LRCH1: variants seen among roughly 807,000 people sequenced by gnomAD.
The protein encoded by LRCH1 is leucine-rich repeat and calponin homology domain-containing protein 1.
A neutral mutation model predicts 94.9 loss-of-function variants in LRCH1; 23 were observed. That is an observed-to-expected ratio of 0.24 (90% CI 0.17 to 0.34). The LOEUF (loss-of-function observed/expected upper bound fraction) is 0.34. Among genes scored for constraint, LRCH1 ranks in the 10% least tolerant of loss-of-function variants. LRCH1 has a pLI of 1.00. For missense variants in LRCH1, 790 were observed against 945.9 expected (o/e 0.84, Z 2.16); for synonymous variants, 364 against 354.9 (o/e 1.03, Z -0.29).
At chr13:46,691,714 G>A (rs904284246) in intron 7 of LRCH1, among the ~76,000 whole-genome samples, 48 of 152,106 alleles carry the variant, frequency 3.2e-4, no homozygotes, top group African/African-American at 1.1e-3. Context: ...TTTTTAAGAC[G>A]GAGTCTTGTT....
At chr13:46,709,564 T>A (rs1176376855) in intron 13 of LRCH1, among the ~76,000 whole-genome samples, 1 of 152,236 alleles carries the variant, frequency 6.6e-6, no homozygotes, top group Non-Finnish European at 1.5e-5. Flanking sequence ...TTAAAATGTC[T>A]TTGAGCTTTC....
chr13:46,741,709 C>T lies in LRCH1; in HGVS notation c.2153C>T (p.Thr718Ile). 1.2e-6 allele frequency: 2 copies of T among 1,614,200 alleles called. No homozygotes were observed. Among genetic ancestry groups the T allele is most frequent in the Middle Eastern group, 1.6e-4 (1 of 6,062 alleles). Residue 718 changes from threonine to isoleucine, a missense_variant, in exon 20 of 20, where the codon ACT (threonine) becomes ATT (isoleucine). Coordinates refer to ENST00000389797, the MANE Select transcript of LRCH1 (RefSeq NM_001164211.2). ...DFRHIRKTVDTLLALGEKAPP... is the reference protein window; with the variant it reads ...DFRHIRKTVDILLALGEKAPP... The stretch of plus-strand genomic sequence containing the variant: ...CGTCACATTCGAAAGACTGTTGACA[C>T]TCTGCTGGCACTCGGGGAGAAAGCC...
At chr13:46,667,094 G>C (rs2051526979) in intron 2 of LRCH1, among the ~76,000 whole-genome samples, 2 of 152,152 alleles carry the variant, frequency 1.3e-5, no homozygotes, top group African/African-American at 4.8e-5. Flanking sequence ...CCCTCCTTCT[G>C]CTGGACCCTC....
At chr13:46,614,338 C>G (rs1315964883) in intron 1 of LRCH1, among the ~76,000 whole-genome samples, 1 of 152,076 alleles carries the variant, frequency 6.6e-6, no homozygotes, top group Admixed American at 6.5e-5. Flanking sequence ...TTCTGGGGGC[C>G]TTTTGTCTAT....
intron 1 of LRCH1, among the ~76,000 whole-genome samples, chr13:46,622,055 T>C (rs1416788198): frequency 6.6e-6 from 1 of 152,220 alleles, no homozygotes; most frequent in Non-Finnish European, 1.5e-5. Context: ...TTATGTAAGA[T>C]TGTGTGTAAA....
At chr13:46,702,018 C>T (rs941424115) in intron 11 of LRCH1, among the ~76,000 whole-genome samples, 4 of 152,250 alleles carry the variant, frequency 2.6e-5, no homozygotes, top group East Asian at 3.9e-4. Flanking sequence ...AGAATAGTGG[C>T]GGATCAGTTT....
At chr13:46,678,825 A>G (rs1361701416) in intron 3 of LRCH1, among the ~76,000 whole-genome samples, 2 of 152,270 alleles carry the variant, frequency 1.3e-5, no homozygotes, top group African/African-American at 4.8e-5. Flanking sequence ...TAACTCAACC[A>G]TGACCAGCAA....
intron 1 of LRCH1, among the ~76,000 whole-genome samples, chr13:46,583,806 G>C (rs1351487897): frequency 6.6e-6 from 1 of 151,080 alleles, no homozygotes; most frequent in Non-Finnish European, 1.5e-5. Context: ...TGTCCCCCAG[G>C]CTGGAGTGCA....
At chr13:46,648,447 C>T (rs772021730) in intron 1 of LRCH1, among the ~76,000 whole-genome samples, 1 of 152,168 alleles carries the variant, frequency 6.6e-6, no homozygotes, top group Non-Finnish European at 1.5e-5. Context: ...TGCCATTGAC[C>T]TTCCCATCTA....
At chr13:46,675,086 G>T (rs1368873866) in intron 3 of LRCH1, among the ~76,000 whole-genome samples, 1 of 152,242 alleles carries the variant, frequency 6.6e-6, no homozygotes, top group Admixed American at 6.5e-5. Context: ...CTGTAGACTT[G>T]TGTTGGCTAA....
intron 2 of LRCH1, among the ~76,000 whole-genome samples, chr13:46,659,484 C>T (rs772222316): frequency 1.4e-4 from 22 of 152,258 alleles, no homozygotes; most frequent in Admixed American, 2.6e-4. Flanking sequence ...TGAGCCACTG[C>T]GCCCAGCCCA....
At chr13:46,603,538 A>C (rs1207698054) in intron 1 of LRCH1, among the ~76,000 whole-genome samples, 1 of 152,128 alleles carries the variant, frequency 6.6e-6, no homozygotes, top group Non-Finnish European at 1.5e-5. Context: ...TGCACCAATA[A>C]ATTTCAAGAC....
rs747243987 is a variant in LRCH1 at position 46,553,668 on chromosome 13, C to A, written c.272C>A (p.Ala91Asp). 4 of 1,609,658 alleles carry A rather than the reference C, an allele frequency of 2.5e-6. No individual in the cohort carries two copies. The highest frequency in any genetic ancestry group is 4.5e-5 in the East Asian group (2 of 44,748). ...RKLKEFPRTA[A>D]PGHDLSDTVQ... ...TTGAAGGAATTTCCCCGTACCGCAG[C>A]CCCCGGGCACGACCTCTCGGACACG... Residue 91 changes from alanine to aspartate, a missense_variant, in exon 1 of 20, where the codon GCC (alanine) becomes GAC (aspartate). Transcript: ENST00000389797.
In LRCH1 at chr13:46,715,545, C is replaced by A. The variant is rs202016555; in HGVS notation, c.1655-15C>A. 6.7e-7 allele frequency: 1 copy of A among 1,495,482 alleles called. No individual in the cohort carries two copies. Among genetic ancestry groups the A allele is most frequent in the Non-Finnish European group, 9.0e-7 (1 of 1,108,790 alleles). 92.6% of individuals were successfully genotyped at this position (1,495,482 alleles called of 1,614,324 possible). A position where few individuals can be genotyped will look rare whatever the true frequency, so the allele number is the denominator to read the frequency against. ...GTGCAACTGTACGCGGACTGGCTCT[C>A]TGGCTCCCCTGCAGACCCAGCCCTC... On this transcript the variant is annotated splice_polypyrimidine_tract_variant and intron_variant, in intron 15 of 19. Coordinates refer to ENST00000389797, the MANE Select transcript of LRCH1 (RefSeq NM_001164211.2).
intron 18 of LRCH1, among the ~76,000 whole-genome samples, chr13:46,731,298 C>T (rs1354528092): frequency 6.6e-6 from 1 of 152,088 alleles, no homozygotes; most frequent in African/African-American, 2.4e-5. Flanking sequence ...AGTGCAGTGG[C>T]ACGATCTTGG....
At chr13:46,637,571 C>G (rs964516301) in intron 1 of LRCH1, among the ~76,000 whole-genome samples, 2 of 152,196 alleles carry the variant, frequency 1.3e-5, no homozygotes, top group Non-Finnish European at 2.9e-5. Context: ...CTCTCTGTCC[C>G]TCTGGGGAAA....
At chr13:46,606,470 C>T (rs765689796) in intron 1 of LRCH1, among the ~76,000 whole-genome samples, 3 of 152,128 alleles carry the variant, frequency 2.0e-5, no homozygotes, top group African/African-American at 7.2e-5. Context: ...ATAGCATTTC[C>T]CCCCTTCTGT....
intron 2 of LRCH1, among the ~76,000 whole-genome samples, chr13:46,665,205 T>G (rs1342968678): frequency 6.6e-6 from 1 of 152,212 alleles, no homozygotes; most frequent in Admixed American, 6.5e-5. Flanking sequence ...ATAGCATGTC[T>G]TTATAATCAC....
chr13:46,592,632 A>T (rs1166144705), intron 1 of LRCH1, among the ~76,000 whole-genome samples: 6 of 152,196 alleles, frequency 3.9e-5, no homozygotes, highest in Non-Finnish European at 8.8e-5. Context: ...GAAGCACTTA[A>T]AAAGTATGTT....
Sources: allele counts gnomAD v4.1 joint callset (sites outside exome capture counted in the v4.1 genomes callset), GRCh38; gene constraint gnomAD v4.1.1; transcripts MANE v1.5; gene names NCBI Gene and HGNC (gene_info 2026-07-23, HGNC 2026-07-21).